PPP2R2B: variants seen among roughly 807,000 people sequenced by gnomAD.
PPP2R2B encodes protein phosphatase 2 regulatory subunit Bbeta.
A neutral mutation model predicts 46.0 loss-of-function variants in PPP2R2B; 5 were observed. That is an observed-to-expected ratio of 0.11 (90% CI 0.06 to 0.23). The LOEUF (loss-of-function observed/expected upper bound fraction) is 0.23. Ranked by LOEUF, PPP2R2B falls within the 10% of genes least tolerant of loss-of-function variation. PPP2R2B has a pLI of 1.00. For synonymous variants in PPP2R2B, 215 were observed against 206.7 expected (o/e 1.04, Z -0.34); for missense variants, 367 against 575.0 (o/e 0.64, Z 3.70).
upstream of PPP2R2B, among the ~76,000 whole-genome samples, chr5:147,058,385 C>T (rs536056627): frequency 5.9e-5 from 9 of 152,194 alleles, no homozygotes; most frequent in South Asian, 1.5e-3. Flanking sequence ...AGGCACTTAG[C>T]GAATACTTTC....
chr5:146,856,728 G>A, intron 2 of PPP2R2B: 1 of 641,200 alleles, frequency 1.6e-6, no homozygotes, highest in Non-Finnish European at 2.7e-6. Flanking sequence ...CAAAATCCAG[G>A]CTAACAAGGT....
chr5:146,750,638 T>C (rs1170051702), intron 2 of PPP2R2B, among the ~76,000 whole-genome samples: 1 of 152,132 alleles, frequency 6.6e-6, no homozygotes, highest in African/African-American at 2.4e-5. Flanking sequence ...TAATAAGGAA[T>C]GGTGGGGATT....
chr5:146,742,061 A>G (rs531145104), intron 2 of PPP2R2B, among the ~76,000 whole-genome samples: 2 of 152,312 alleles, frequency 1.3e-5, no homozygotes, highest in East Asian at 1.9e-4. Flanking sequence ...CTCTGGAGGA[A>G]TCAAACCTTC....
chr5:146,946,281 G>A (rs916113633), intron 1 of PPP2R2B, among the ~76,000 whole-genome samples: 5 of 152,012 alleles, frequency 3.3e-5, no homozygotes, highest in African/African-American at 9.7e-5. Flanking sequence ...TCTTTCAAAG[G>A]TGGCTCTGAT....
chr5:146,890,977 A>G (rs924579191), intron 1 of PPP2R2B, among the ~76,000 whole-genome samples: 8 of 152,136 alleles, frequency 5.3e-5, no homozygotes, highest in Admixed American at 4.6e-4. Flanking sequence ...GAGAGAGAGA[A>G]AAAAATAAGG....
At chr5:146,789,462 A>G (rs1316015362) in intron 2 of PPP2R2B, among the ~76,000 whole-genome samples, 1 of 152,188 alleles carries the variant, frequency 6.6e-6, no homozygotes, top group Non-Finnish European at 1.5e-5. Flanking sequence ...AAATCTCTGG[A>G]GCAGTCTCAG....
intron 1 of PPP2R2B, among the ~76,000 whole-genome samples, chr5:146,990,886 T>C (rs1354895620): frequency 6.6e-6 from 1 of 151,748 alleles, no homozygotes; most frequent in Non-Finnish European, 1.5e-5. Flanking sequence ...AAAAACTAAA[T>C]AATAGGATTA....
At chr5:147,071,637 A>T (rs1381065093) in intron 2 of PPP2R2B, among the ~76,000 whole-genome samples, 1 of 149,650 alleles carries the variant, frequency 6.7e-6, no homozygotes, top group Non-Finnish European at 1.5e-5. Context: ...ACAAGACGAT[A>T]TTTTTTTTTT....
intron 8 of PPP2R2B, among the ~76,000 whole-genome samples, chr5:146,596,041 A>G (rs972311900): frequency 6.6e-6 from 1 of 152,184 alleles, no homozygotes; most frequent in African/African-American, 2.4e-5. Flanking sequence ...GATAGTAAAT[A>G]TTTTAAGCTC....
intron 1 of PPP2R2B, among the ~76,000 whole-genome samples, chr5:147,025,211 T>A (rs977081054): frequency 6.6e-6 from 1 of 152,012 alleles, no homozygotes; most frequent in Non-Finnish European, 1.5e-5. Flanking sequence ...AGATACAATT[T>A]AACAAAACTG....
At chr5:146,957,651 A>T (rs967047738) in intron 1 of PPP2R2B, among the ~76,000 whole-genome samples, 1 of 152,146 alleles carries the variant, frequency 6.6e-6, no homozygotes, top group Non-Finnish European at 1.5e-5. Flanking sequence ...ACAAATAGTT[A>T]TGTAGGTTGT....
chr5:146,789,883 A>C (rs974260219), intron 2 of PPP2R2B, among the ~76,000 whole-genome samples: 1 of 152,194 alleles, frequency 6.6e-6, no homozygotes, highest in Non-Finnish European at 1.5e-5. Context: ...AAATGGCCGG[A>C]TGTAGCAGAT....
At chr5:146,991,967 A>C (rs1753715409) in intron 1 of PPP2R2B, among the ~76,000 whole-genome samples, 1 of 152,178 alleles carries the variant, frequency 6.6e-6, no homozygotes, top group Non-Finnish European at 1.5e-5. Context: ...TACAGAGTCC[A>C]TGGAATCCAT....
chr5:146,859,868 A>G (rs1760882593), intron 2 of PPP2R2B, among the ~76,000 whole-genome samples: 1 of 152,272 alleles, frequency 6.6e-6, no homozygotes, highest in African/African-American at 2.4e-5. Flanking sequence ...AGATTAGAAC[A>G]TCAGGGAAAG....
Position 146,878,375 on chromosome 5 carries a change from C to T in PPP2R2B, c.-124-180G>A. The T allele has an allele frequency of 7.0e-7, 1 of 1,431,406 alleles. No homozygotes were observed. Among genetic ancestry groups the T allele is most frequent in the South Asian group, 1.5e-5 (1 of 66,696 alleles). 88.7% of individuals were successfully genotyped at this position (1,431,406 alleles called of 1,614,324 possible). On this transcript the variant is annotated intron_variant, in intron 1 of 9. Transcript: ENST00000394411. The surrounding 1 kb of genome is among the most constrained non-coding windows in gnomAD (Gnocchi z 4.5). ...TCCGCTGCCTCCGGGTGCCAAGATACGCCGTGCCCCGAGGGGTCTGGTCCC... is the reference window on the plus strand; with the variant it reads ...TCCGCTGCCTCCGGGTGCCAAGATATGCCGTGCCCCGAGGGGTCTGGTCCC...
At chr5:146,649,462 T>G (rs1429329073) in intron 6 of PPP2R2B, among the ~76,000 whole-genome samples, 7 of 152,012 alleles carry the variant, frequency 4.6e-5, no homozygotes, top group Non-Finnish European at 1.0e-4. Flanking sequence ...ATTATTTTTT[T>G]GAGATGGAGT....
At chr5:146,833,636 G>A (rs1479394691) in intron 2 of PPP2R2B, among the ~76,000 whole-genome samples, 1 of 152,118 alleles carries the variant, frequency 6.6e-6, no homozygotes, top group Non-Finnish European at 1.5e-5. Context: ...ATTCTCTGAG[G>A]CATTTTCATA....
chr5:146,952,551 A>T (rs774173922), intron 1 of PPP2R2B, among the ~76,000 whole-genome samples: 5 of 152,106 alleles, frequency 3.3e-5, no homozygotes, highest in Non-Finnish European at 7.4e-5. Flanking sequence ...GGATACATAG[A>T]CACCCTAGCT....
chr5:146,937,923 C>T (rs970109660), intron 1 of PPP2R2B, among the ~76,000 whole-genome samples: 7 of 152,114 alleles, frequency 4.6e-5, no homozygotes, highest in Admixed American at 1.3e-4. Flanking sequence ...TTTTTCTCAG[C>T]ACTGTCATGT....
Sources: gnomAD v4.1 joint callset for allele counts (sites outside exome capture counted in the v4.1 genomes callset) on GRCh38, gnomAD v4.1.1 for gene constraint, Gnocchi (gnomAD v3.1) non-coding constraint, MANE v1.5 for transcripts, NCBI Gene and HGNC (gene_info 2026-07-23, HGNC 2026-07-21) for gene names.